Variants in CSMD3 observed in about 807,000 individuals in gnomAD.
The protein encoded by CSMD3 is CUB and Sushi multiple domains 3.
A neutral mutation model predicts 435.2 loss-of-function variants in CSMD3; 177 were observed. That is an observed-to-expected ratio of 0.41 (90% CI 0.36 to 0.46). The LOEUF (loss-of-function observed/expected upper bound fraction) is 0.46. Among genes scored for constraint, CSMD3 ranks in the 20% least tolerant of loss-of-function variants. The pLI is 0.34. For missense variants in CSMD3, 4,265 were observed against 4,504.6 expected (o/e 0.95, Z 1.52); for synonymous variants, 1,656 against 1,520.5 (o/e 1.09, Z -2.07).
intron 10 of CSMD3, among the ~76,000 whole-genome samples, chr8:112,916,713 T>C (rs1295129038): frequency 6.6e-6 from 1 of 151,936 alleles, no homozygotes; most frequent in Non-Finnish European, 1.5e-5. Context: ...TCTAATTACC[T>C]TTGCATAACA....
intron 12 of CSMD3, among the ~76,000 whole-genome samples, chr8:112,823,541 A>G (rs1163660025): frequency 2.0e-5 from 3 of 152,062 alleles, no homozygotes; most frequent in African/African-American, 7.2e-5. Flanking sequence ...CATTGGTTTT[A>G]CAGAACTTCT....
At chr8:113,011,855 T>C (rs2086266783) in intron 6 of CSMD3, among the ~76,000 whole-genome samples, 3 of 151,812 alleles carry the variant, frequency 2.0e-5, no homozygotes, top group Non-Finnish European at 4.4e-5. Flanking sequence ...TGATTATTAA[T>C]GTTTGATTAT....
chr8:113,181,101 G>C (rs4333631), intron 3 of CSMD3, among the ~76,000 whole-genome samples: 54,301 of 151,674 alleles, frequency 0.36, 10,795 homozygotes, highest in East Asian at 0.7. Context: ...TGCTAGAAAA[G>C]AAATAAGAGC....
At chr8:112,985,591 G>A (rs1377364196) in intron 6 of CSMD3, among the ~76,000 whole-genome samples, 1 of 152,068 alleles carries the variant, frequency 6.6e-6, no homozygotes, top group Admixed American at 6.6e-5. Context: ...GTTAGGAACT[G>A]GGCCACACAG....
At chr8:112,533,112 A>G (rs1825699155) in intron 27 of CSMD3, among the ~76,000 whole-genome samples, 1 of 152,096 alleles carries the variant, frequency 6.6e-6, no homozygotes, top group South Asian at 2.1e-4. Flanking sequence ...ACATAGACTT[A>G]TAATAGAGAA....
At position 112,234,443 on chromosome 8, in the gene CSMD3, T is replaced by C; in HGVS notation, c.10662A>G (p.Leu3554=). The change falls in exon 68 of 71, where the codon TTA becomes TTG. Residue 3554 remains leucine (L), a synonymous_variant. Coordinates refer to ENST00000297405, the MANE Select transcript of CSMD3 (RefSeq NM_198123.2). The stretch of plus-strand genomic sequence containing the variant: ...CAGGTACTTTAATAAGATATATGCG[T>C]AACATTAGGCGAGCTTCCTGGCTTT... The part of the protein sequence containing the change: ...VYKSQEARLM[L]RIYLIKVPAH... 6.2e-7 allele frequency: 1 copy of C among 1,613,334 alleles called. No individual in the cohort carries two copies. The highest frequency in any genetic ancestry group is 8.5e-7 in the Non-Finnish European group (1 of 1,179,550).
intron 58 of CSMD3, 41 bp from the exon 59 acceptor site, chr8:112,281,391 A>C: frequency 6.5e-7 from 1 of 1,541,076 alleles, no homozygotes; most frequent in Non-Finnish European, 9.0e-7. Context: ...AAAAAATGCA[A>C]TCAGAAATTC....
At chr8:113,021,935 C>G (rs923974064) in intron 5 of CSMD3, among the ~76,000 whole-genome samples, 2 of 152,150 alleles carry the variant, frequency 1.3e-5, no homozygotes, top group African/African-American at 4.8e-5. Flanking sequence ...AGAAACTGAA[C>G]TAGAAAGCAC....
intron 10 of CSMD3, among the ~76,000 whole-genome samples, chr8:112,887,129 A>T (rs544566328): frequency 2.0e-5 from 3 of 151,404 alleles, no homozygotes; most frequent in Non-Finnish European, 4.4e-5. Context: ...AGATCAAATT[A>T]ATTTATACAG....
chr8:113,061,330 G>C (rs1168609204), intron 5 of CSMD3, among the ~76,000 whole-genome samples: 1 of 151,924 alleles, frequency 6.6e-6, no homozygotes, highest in Admixed American at 6.6e-5. Flanking sequence ...ACTTTACTAG[G>C]GTTTCAGAGG....
intron 34 of CSMD3, among the ~76,000 whole-genome samples, chr8:112,406,971 C>A (rs1021760336): frequency 1.3e-5 from 2 of 151,736 alleles, no homozygotes; most frequent in Admixed American, 1.3e-4. Flanking sequence ...TAAACATCAA[C>A]GATTTTTGTT....
In CSMD3 at chr8:112,751,673, T is replaced by C. The variant is rs369521254; in HGVS notation, c.1972+48489A>G. ...ATTTTACCTATTCTCCTCTCACCTG[T>C]TTCACAAAGTCACAAGTTGGTAACC... is the stretch of plus-strand genomic sequence containing the variant. On this transcript the variant is annotated intron_variant, in intron 13 of 70. Transcript: ENST00000297405. 4.6e-5 allele frequency among the ~76,000 whole-genome samples: 7 copies of C among 151,272 alleles called. No homozygotes were observed. In the East Asian group the frequency reaches 7.7e-4, roughly 17 times the overall value.
At chr8:112,699,427 C>G (rs528335655) in intron 13 of CSMD3, among the ~76,000 whole-genome samples, 2 of 152,062 alleles carry the variant, frequency 1.3e-5, no homozygotes, top group Non-Finnish European at 2.9e-5. Flanking sequence ...GAACCAATTC[C>G]GAACACAGAG....
chr8:112,245,703 A>G (rs1814660387), intron 64 of CSMD3, among the ~76,000 whole-genome samples: 1 of 152,150 alleles, frequency 6.6e-6, no homozygotes, highest in East Asian at 1.9e-4. Flanking sequence ...ACACCCAGCT[A>G]ATTTTTTATA....
In CSMD3 at chr8:112,320,118, T is replaced by C. The variant is rs912719289; in HGVS notation, c.7166-137A>G. The C allele has an allele frequency of 5.1e-5, 33 of 644,304 alleles. 1 individual carries two copies. Among genetic ancestry groups the C allele is most frequent in the Admixed American group, 2.9e-4 (11 of 37,806 alleles). The allele number at this position is 644,304 out of a possible 1,614,324, so 39.9% of individuals were successfully genotyped here. A position where few individuals can be genotyped will look rare whatever the true frequency, so the allele number is the denominator to read the frequency against. ...CATAATTTATCAAGTGTCAATTACA[T>C]CTTTATTTTTAAAAATATACTACAA... is the stretch of plus-strand genomic sequence containing the variant. On this transcript the variant is annotated intron_variant, in intron 45 of 70. Transcript: ENST00000297405.
At chr8:112,996,800 C>G (rs1464829370) in intron 6 of CSMD3, among the ~76,000 whole-genome samples, 1 of 151,362 alleles carries the variant, frequency 6.6e-6, no homozygotes, top group Non-Finnish European at 1.5e-5. Context: ...ATTTATTATT[C>G]TAGATTATAA....
At chr8:112,722,788 A>T (rs2076886313) in intron 13 of CSMD3, among the ~76,000 whole-genome samples, 1 of 152,214 alleles carries the variant, frequency 6.6e-6, no homozygotes, top group Admixed American at 6.5e-5. Context: ...AGCTACAGAA[A>T]ATAATATGTG....
chr8:112,999,940 G>A (rs1449015198), intron 6 of CSMD3, among the ~76,000 whole-genome samples: 1 of 152,012 alleles, frequency 6.6e-6, no homozygotes, highest in Non-Finnish European at 1.5e-5. Flanking sequence ...AAATCTAAAT[G>A]AAGGTGTTTT....
intron 22 of CSMD3, among the ~76,000 whole-genome samples, chr8:112,616,252 G>A (rs1833652052): frequency 6.6e-6 from 1 of 151,796 alleles, no homozygotes; most frequent in African/African-American, 2.4e-5. Flanking sequence ...TCGTATAACT[G>A]GTAAGTACTC....
Sources: gnomAD v4.1 joint callset for allele counts (sites outside exome capture counted in the v4.1 genomes callset) on GRCh38, gnomAD v4.1.1 for gene constraint, MANE v1.5 for transcripts, NCBI Gene and HGNC (gene_info 2026-07-23, HGNC 2026-07-21) for gene names.